BICRA: variants seen among roughly 807,000 people sequenced by gnomAD.
BICRA encodes the protein BRD4-interacting chromatin-remodeling complex-associated protein.
In BICRA, 31 loss-of-function variants were observed where a neutral mutation model predicts 96.9. That is an observed-to-expected ratio of 0.32 (90% CI 0.24 to 0.43). The LOEUF (loss-of-function observed/expected upper bound fraction) is 0.43, where lower values mean the gene tolerates loss of function less well. BICRA is among the 20% of genes least tolerant of loss of function. The pLI is 1.00. For synonymous variants in BICRA, 1,350 were observed against 1,071.8 expected (o/e 1.26, Z -5.07); for missense variants, 2,283 against 2,190.3 (o/e 1.04, Z -0.84).
chr19:47,681,624 C>G (rs1219598806), intron 6 of BICRA, among the ~76,000 whole-genome samples: 2 of 151,604 alleles, frequency 1.3e-5, no homozygotes, highest in African/African-American at 4.9e-5. Context: ...GGAGAGGGAC[C>G]GGCAGGGAGA....
chr19:47,664,754 TGC>T (rs1267898824), intron 1 of BICRA, among the ~76,000 whole-genome samples: 2 of 152,188 alleles, frequency 1.3e-5, no homozygotes, highest in Admixed American at 1.3e-4. Context: ...CTCGTGTGTG[TGC>T]CCGTGGGGGG....
chr19:47,672,472 G>A (rs981412733), intron 2 of BICRA, among the ~76,000 whole-genome samples: 1 of 152,024 alleles, frequency 6.6e-6, no homozygotes, highest in Non-Finnish European at 1.5e-5. Context: ...GGAGGAGACT[G>A]ATGGCTAGAG....
intron 2 of BICRA, among the ~76,000 whole-genome samples, chr19:47,671,250 C>T (rs1239680622): frequency 2.0e-5 from 3 of 152,140 alleles, no homozygotes; most frequent in Non-Finnish European, 4.4e-5. Context: ...GGGGGTGGCA[C>T]TAAGGAGGCC....
chr19:47,669,303 T>C (rs1157697749), intron 1 of BICRA, among the ~76,000 whole-genome samples: 1 of 151,966 alleles, frequency 6.6e-6, no homozygotes, highest in Non-Finnish European at 1.5e-5. Context: ...TTAAATAAGA[T>C]GGCTTCAAAC....
At chr19:47,674,582 G>A (rs1387579933) in intron 4 of BICRA, among the ~76,000 whole-genome samples, 2 of 152,158 alleles carry the variant, frequency 1.3e-5, no homozygotes, top group African/African-American at 2.4e-5. Flanking sequence ...AGCTTAGCTC[G>A]GTGGTTCAGG....
Position 47,661,130 on chromosome 19 carries a change from C to T in BICRA, c.-107-9313C>T, listed in dbSNP as rs569351698. 2.7e-4 allele frequency among the ~76,000 whole-genome samples: 37 copies of T among 137,004 alleles called. No homozygotes were observed. In the East Asian group the frequency reaches 6.6e-3, roughly 24 times the overall value. The allele number at this position is 137,004 out of a possible 152,430, so 89.9% of individuals were successfully genotyped here. A position where few individuals can be genotyped will look rare whatever the true frequency, so the allele number is the denominator to read the frequency against. ...TCAGGAGGCTGAGGCTGGAGAATGG[C>T]GTGAACCCGGGAGGCAGAGGTTGCA... On this transcript the variant is annotated intron_variant, in intron 1 of 14. Coordinates refer to ENST00000594866, the MANE Select transcript of BICRA (RefSeq NM_001394372.1).
Position 47,612,495 on chromosome 19 carries a change from GGAAGGCCAC to G in BICRA, c.-108+3328_-108+3336del, listed in dbSNP as rs199630586. ...CCCCAGAAGAATTCCCTGTGGTCTG[GGAAGGCCAC>G]CTGCAAACGAACAATTCCCCTTCAG... On this transcript the variant is annotated intron_variant, in intron 1 of 14. Coordinates refer to ENST00000594866, the MANE Select transcript of BICRA (RefSeq NM_001394372.1). Among the ~76,000 whole-genome samples, 1,064 of 152,236 alleles carry G rather than the reference GGAAGGCCAC, an allele frequency of 7.0e-3. 20 individuals are homozygous for G. The highest frequency in any genetic ancestry group is 0.024 in the African/African-American group (993 of 41,528).
intron 1 of BICRA, among the ~76,000 whole-genome samples, chr19:47,613,779 G>A (rs920763806): frequency 2.6e-5 from 4 of 151,918 alleles, no homozygotes; most frequent in African/African-American, 9.7e-5. Flanking sequence ...TCTGCCTGGA[G>A]TACCACCAGT....
chr19:47,672,577 G>GTGGATGGATGGATGGATGGATGGA (rs57088975), intron 2 of BICRA, among the ~76,000 whole-genome samples: 4 of 150,192 alleles, frequency 2.7e-5, no homozygotes, highest in African/African-American at 9.9e-5. Flanking sequence ...AGATAAAGAA[G>GTGGATGGATGGATGGATGGATGGA]TGGATGGATG....
At chr19:47,666,120 C>T (rs1275292271) in intron 1 of BICRA, among the ~76,000 whole-genome samples, 8 of 152,194 alleles carry the variant, frequency 5.3e-5, no homozygotes, top group African/African-American at 1.4e-4. Context: ...CCTCCCCAAA[C>T]GGAGGCACAG....
chr19:47,687,346 A>G (rs1364782376), intron 7 of BICRA, among the ~76,000 whole-genome samples: 1 of 152,174 alleles, frequency 6.6e-6, no homozygotes, highest in Non-Finnish European at 1.5e-5. Context: ...TTAAAAATGT[A>G]AAAATTATTC....
At position 47,679,444 on chromosome 19, in the gene BICRA, G is replaced by A. The variant is rs779275819; in HGVS notation, c.274G>A (p.Gly92Arg). ...CTCTCCTGCGACAGGGGGCGGCGGCGGGGGCAGTGGGGGCGCTGACCAGCC... is the reference window on the plus strand; with the variant it reads ...CTCTCCTGCGACAGGGGGCGGCGGCAGGGGCAGTGGGGGCGCTGACCAGCC... ...LGSPATGGGG[G>R]GSGGADQPCD... Residue 92 changes from glycine (G) to arginine (R), a missense_variant, in exon 6 of 15, where the codon GGG becomes AGG. Gly to Arg is a moderately radical substitution (Grantham distance 125). Transcript: ENST00000594866. The A allele has an allele frequency of 9.3e-6, 14 of 1,497,792 alleles. No individual in the cohort carries two copies. Among genetic ancestry groups the A allele is most frequent in the African/African-American group, 7.2e-5 (5 of 69,904 alleles). 92.8% of individuals were successfully genotyped at this position (1,497,792 alleles called of 1,614,324 possible). A position where few individuals can be genotyped will look rare whatever the true frequency, so the allele number is the denominator to read the frequency against.
At chr19:47,646,489 A>G (rs1972461701) in intron 1 of BICRA, among the ~76,000 whole-genome samples, 1 of 152,048 alleles carries the variant, frequency 6.6e-6, no homozygotes, top group African/African-American at 2.4e-5. Flanking sequence ...GCTTAAGAAC[A>G]TTTCTCCCAT....
rs766601975 is a variant in BICRA at position 47,701,399 on chromosome 19, G to A, written c.3667G>A (p.Gly1223Ser). Residue 1223 changes from glycine to serine, a missense_variant, in exon 15 of 15, where the codon GGC (glycine) becomes AGC (serine). Transcript: ENST00000594866. This position sits in a 1 kb window ranked among gnomAD's most constrained non-coding sequence, Gnocchi z 5.4. ...AASSEGHRLP[G>S]HGPLSSSAPG... ...CTCTTCCGAGGGTCATCGGCTTCCC[G>A]GCCACGGCCCCCTGTCGTCTTCAGC... 6.9e-6 allele frequency: 11 copies of A among 1,603,372 alleles called. No individual in the cohort carries two copies. Among genetic ancestry groups the A allele is most frequent in the African/African-American group, 5.4e-5 (4 of 74,676 alleles).
chr19:47,698,919 G>T lies in BICRA; in HGVS notation c.3398-46G>T. 2 of 1,459,246 alleles carry T rather than the reference G, an allele frequency of 1.4e-6. No homozygotes were observed. Among genetic ancestry groups the T allele is most frequent in the Non-Finnish European group, 1.9e-6 (2 of 1,061,220 alleles). The allele number at this position is 1,459,246 out of a possible 1,614,324, so 90.4% of individuals were successfully genotyped here. On this transcript the variant is annotated intron_variant, in intron 12 of 14. Transcript: ENST00000594866. The surrounding 1 kb of genome is among the most constrained non-coding windows in gnomAD (Gnocchi z 4.8). ...CCGCCCTCCTTCCTGCGCATCCGCG[G>T]CCGCCCCCAACATCTCCGCCCTTGC...
intron 1 of BICRA, among the ~76,000 whole-genome samples, chr19:47,645,543 C>T (rs932833801): frequency 6.6e-6 from 1 of 152,052 alleles, no homozygotes; most frequent in Non-Finnish European, 1.5e-5. Flanking sequence ...GAAAAATGGT[C>T]TCTTAACATG....
At position 47,701,778 on chromosome 19, in the gene BICRA, C is replaced by T. The variant is rs1466507710; in HGVS notation, c.4046C>T (p.Pro1349Leu). 7.1e-6 allele frequency: 11 copies of T among 1,541,052 alleles called. No homozygotes were observed. Among genetic ancestry groups the T allele is most frequent in the African/African-American group, 5.5e-5 (4 of 72,728 alleles). The change falls in exon 15 of 15, where the codon CCG becomes CTG. Residue 1349 changes from proline to leucine, a missense_variant. Physicochemically the swap from Pro to Leu is moderately conservative, Grantham distance 98 (BLOSUM62 -3). Transcript: ENST00000594866. The surrounding 1 kb of genome is among the most constrained non-coding windows in gnomAD (Gnocchi z 5.4). ...AAGGTGGCCGAGCCCCCGCCACGGCCGCCACCACCACCGCCGCCCACGGGC... is the reference window on the plus strand; with the variant it reads ...AAGGTGGCCGAGCCCCCGCCACGGCTGCCACCACCACCGCCGCCCACGGGC... ...TLKVAEPPPR[P>L]PPPPPPTGQM...
At chr19:47,686,456 T>C (rs1973160485) in intron 7 of BICRA, among the ~76,000 whole-genome samples, 1 of 152,016 alleles carries the variant, frequency 6.6e-6, no homozygotes, top group Non-Finnish European at 1.5e-5. Flanking sequence ...CTATCTCGGC[T>C]CACTGCAACC....
In BICRA at chr19:47,619,687, C is replaced by T. The variant is rs186674076; in HGVS notation, c.-108+10519C>T. On this transcript the variant is annotated intron_variant, in intron 1 of 14. Coordinates refer to ENST00000594866, the MANE Select transcript of BICRA (RefSeq NM_001394372.1). ...GCGAGGTGGGAGGATCACTTGAGGC[C>T]GGGAGTCCGAGACCAGCCTAGGCAA... 1.2e-3 allele frequency among the ~76,000 whole-genome samples: 181 copies of T among 152,154 alleles called. 2 individuals are homozygous for T. In the East Asian group the frequency reaches 0.034, roughly 29 times the overall value.
Sources: gnomAD v4.1 joint callset for allele counts (sites outside exome capture counted in the v4.1 genomes callset) on GRCh38, gnomAD v4.1.1 for gene constraint, Gnocchi (gnomAD v3.1) non-coding constraint, MANE v1.5 for transcripts, NCBI Gene and HGNC (gene_info 2026-07-23, HGNC 2026-07-21) for gene names.